GLYATL1: variants seen among roughly 807,000 people sequenced by gnomAD.
GLYATL1 encodes glycine N-acyltransferase-like protein 1.
A neutral mutation model predicts 20.0 loss-of-function variants in GLYATL1; 15 were observed. The observed-to-expected ratio is 0.75, with a 90% CI of 0.50 to 1.15. GLYATL1 has a LOEUF of 1.15. GLYATL1 is among the 50% of genes most tolerant of loss of function. GLYATL1 has a pLI of 0.00. For missense variants in GLYATL1, 380 were observed against 368.5 expected (o/e 1.03, Z -0.26); for synonymous variants, 151 against 131.5 (o/e 1.15, Z -1.01).
At chr11:58,941,338 G>C (rs489732) in intron 1 of GLYATL1, among the ~76,000 whole-genome samples, 48,649 of 151,410 alleles carry the variant, frequency 0.32, 8,376 homozygotes, top group Non-Finnish European at 0.39. Flanking sequence ...ATGATTTCTA[G>C]TTTCATCCAT....
At chr11:58,921,932 A>G (rs573678483) in intron 1 of GLYATL1, among the ~76,000 whole-genome samples, 1 of 152,188 alleles carries the variant, frequency 6.6e-6, no homozygotes, top group Non-Finnish European at 1.5e-5. Flanking sequence ...AATGGAGTGT[A>G]TAACTGGAAT....
At chr11:58,953,397 T>G (rs576050621) in intron 4 of GLYATL1, among the ~76,000 whole-genome samples, 1 of 151,402 alleles carries the variant, frequency 6.6e-6, no homozygotes, top group African/African-American at 2.4e-5. Flanking sequence ...TCTGTTTTTT[T>G]TTTTTTTTTG....
At chr11:58,920,983 T>G (rs1272298950) in intron 1 of GLYATL1, among the ~76,000 whole-genome samples, 1 of 152,192 alleles carries the variant, frequency 6.6e-6, no homozygotes, top group African/African-American at 2.4e-5. Context: ...TTCTTTTCAC[T>G]CATGGACATA....
downstream of GLYATL1, among the ~76,000 whole-genome samples, chr11:58,913,419 C>T (rs149530128): frequency 7.9e-5 from 12 of 152,162 alleles, no homozygotes; most frequent in East Asian, 2.1e-3. Context: ...AAACTAAAAC[C>T]CAAGCACTTT....
rs11229699 is a variant in GLYATL1 at position 58,928,006 on chromosome 11, C to T, written c.-212+177C>T. On this transcript the variant is annotated intron_variant, in intron 1 of 7. Transcript: ENST00000317391. ...ACGTTAAAGCTGTTACTGGGACTTG[C>T]TGCCTTTGCAACTGATGTTTTTAAG... Among the ~76,000 whole-genome samples, 47 of 152,278 alleles carry T rather than the reference C, an allele frequency of 3.1e-4. 1 individual carries two copies. In the East Asian group the frequency reaches 8.7e-3, roughly 28 times the overall value.
At chr11:58,947,229 C>T in intron 3 of GLYATL1, 64 bp downstream of exon 3, 2 of 1,559,090 alleles carry the variant, frequency 1.3e-6, no homozygotes, top group Non-Finnish European at 1.7e-6. Context: ...AAATAGCAGG[C>T]TTGTGATTCT....
chr11:58,907,246 C>T (rs753306918), exon 2 of GLYATL1: 2 of 456,102 alleles, frequency 4.4e-6, no homozygotes, highest in Non-Finnish European at 8.8e-6. Context: ...TGCAGGTCAC[C>T]CGCCAGGTTT....
At chr11:58,929,823 T>C (rs1046699123) in intron 1 of GLYATL1, among the ~76,000 whole-genome samples, 2 of 152,226 alleles carry the variant, frequency 1.3e-5, no homozygotes, top group Non-Finnish European at 2.9e-5. Flanking sequence ...TGAACTCATT[T>C]CCTTTTCCTC....
chr11:58,918,865 C>A (rs1855241899), intron 1 of GLYATL1, among the ~76,000 whole-genome samples: 1 of 152,104 alleles, frequency 6.6e-6, no homozygotes, highest in African/African-American at 2.4e-5. Context: ...CTGTTGTGGT[C>A]CTCAGTGACA....
At chr11:58,932,882 C>T (rs1855664126) in intron 1 of GLYATL1, among the ~76,000 whole-genome samples, 1 of 152,162 alleles carries the variant, frequency 6.6e-6, no homozygotes, top group African/African-American at 2.4e-5. Context: ...AGGAGGGACA[C>T]ACTGTATGCC....
chr11:58,910,188 T>C (rs1366560516), downstream of GLYATL1, among the ~76,000 whole-genome samples: 1 of 152,180 alleles, frequency 6.6e-6, no homozygotes, highest in East Asian at 1.9e-4. Context: ...AGGGGTAGAA[T>C]AGCTTTCTGG....
chr11:58,953,426 G>A (rs565071489), intron 4 of GLYATL1, among the ~76,000 whole-genome samples: 133 of 50,172 alleles, frequency 2.7e-3, no homozygotes, highest in African/African-American at 9.1e-3. Context: ...TCTTTCTCTT[G>A]TATTTCTTTT....
chr11:58,947,710 T>C (rs1351924651), intron 3 of GLYATL1, 148 bp from the exon 4 acceptor site: 2 of 624,462 alleles, frequency 3.2e-6, no homozygotes, highest in African/African-American at 3.6e-5. Context: ...ATCAGTATGG[T>C]CCTCTCCAGG....
chr11:58,910,349 A>G (rs188175746), downstream of GLYATL1, among the ~76,000 whole-genome samples: 10 of 152,332 alleles, frequency 6.6e-5, no homozygotes, highest in Middle Eastern at 3.4e-3. Context: ...TAAGTTAAAT[A>G]TTAATGATAA....
At chr11:58,905,570 G>A (rs1854846714) in exon 1 of GLYATL1, 2 of 455,924 alleles carry the variant, frequency 4.4e-6, no homozygotes, top group Non-Finnish European at 8.8e-6. Flanking sequence ...TACCCACCCG[G>A]CTGCCGCGCA....
chr11:58,918,453 T>A (rs903765108), intron 1 of GLYATL1, among the ~76,000 whole-genome samples: 14 of 152,206 alleles, frequency 9.2e-5, no homozygotes, highest in African/African-American at 3.4e-4. Context: ...GCACTCATAG[T>A]AAGTATGGTA....
intron 1 of GLYATL1, among the ~76,000 whole-genome samples, chr11:58,931,827 TA>T (rs1218871270): frequency 6.6e-6 from 1 of 151,956 alleles, no homozygotes; most frequent in African/African-American, 2.4e-5. Context: ...GAATTAATAC[TA>T]AAAAGAAAAA....
At chr11:58,943,426 C>T (rs1203345668) in intron 1 of GLYATL1, 117 bp from the exon 2 acceptor site, 1 of 1,526,766 alleles carries the variant, frequency 6.5e-7, no homozygotes, top group Admixed American at 2.1e-5. Flanking sequence ...GACCACGAGG[C>T]ACCCCCGGAG....
chr11:58,934,969 C>T (rs1009186696), upstream of GLYATL1: 9 of 152,416 alleles, frequency 5.9e-5, no homozygotes, highest in Non-Finnish European at 1.3e-4. Context: ...GAGCCTGTAT[C>T]CACAGGGGCC....
Sources: allele counts gnomAD v4.1 joint callset (sites outside exome capture counted in the v4.1 genomes callset), GRCh38; gene constraint gnomAD v4.1.1; transcripts MANE v1.5; gene names NCBI Gene and HGNC (gene_info 2026-07-23, HGNC 2026-07-21).